PSMB3: variants seen among roughly 807,000 people sequenced by gnomAD.
PSMB3 encodes proteasome subunit beta type-3.
In PSMB3, 5 loss-of-function variants were observed where a neutral mutation model predicts 23.3. The ratio of observed to expected loss-of-function variants is 0.21; its 90% CI spans 0.11 to 0.45. The LOEUF (loss-of-function observed/expected upper bound fraction) is 0.45, where lower values mean the gene tolerates loss of function less well. Among genes scored for constraint, PSMB3 ranks in the 20% least tolerant of loss-of-function variants. The pLI is 0.99. For missense variants in PSMB3, 192 were observed against 277.9 expected, an observed-to-expected ratio of 0.69 and a Z score of 2.20; for synonymous variants, 85 against 99.8, an observed-to-expected ratio of 0.85 and a Z score of 0.88.
chr17:38,756,333 G>A (rs1908192674), intron 3 of PSMB3, among the ~76,000 whole-genome samples: 1 of 152,048 alleles, frequency 6.6e-6, no homozygotes. Context: ...GCCTAGGAAT[G>A]GGGTGTTCAT....
At chr17:38,760,989 G>A (rs906154742) in intron 4 of PSMB3, among the ~76,000 whole-genome samples, 1 of 152,164 alleles carries the variant, frequency 6.6e-6, no homozygotes, top group Non-Finnish European at 1.5e-5. Flanking sequence ...TCTTGGAGAA[G>A]CCAGTTTCCC....
intron 5 of PSMB3, among the ~76,000 whole-genome samples, chr17:38,763,086 T>C (rs941580537): frequency 1.1e-4 from 16 of 152,156 alleles, no homozygotes; most frequent in Admixed American, 3.9e-4. Flanking sequence ...GCCAGGCGCG[T>C]TGGCTCACGC....
chr17:38,755,933 G>T lies in PSMB3; in HGVS notation c.239G>T (p.Arg80Leu). ...RLNLYELKEG[R>L]QIKPYTLMSM... ...AACCTGTATGAGTTGAAGGAAGGTC[G>T]GCAGATCAAACCTTATACCCTCATG... The change falls in exon 3 of 6, where the codon CGG becomes CTG. Residue 80 changes from arginine (R) to leucine (L), a missense_variant. Coordinates refer to ENST00000619426, the MANE Select transcript of PSMB3 (RefSeq NM_002795.4). 6.2e-7 allele frequency: 1 copy of T among 1,614,034 alleles called. No individual in the cohort carries two copies.
chr17:38,756,384 G>A (rs1908195595), intron 3 of PSMB3, among the ~76,000 whole-genome samples: 1 of 152,198 alleles, frequency 6.6e-6, no homozygotes. Context: ...TGAGAAACAA[G>A]GGGCCTAACT....
chr17:38,757,586 G>T (rs1359599647), intron 3 of PSMB3, among the ~76,000 whole-genome samples: 1 of 151,154 alleles, frequency 6.6e-6, no homozygotes, highest in South Asian at 2.1e-4. Flanking sequence ...GGAGGCCAAG[G>T]TGGGCGGATC....
intron 1 of PSMB3, 75 bp from the exon 2 acceptor site, chr17:38,753,075 C>T (rs1908004015): frequency 6.9e-7 from 1 of 1,453,320 alleles, no homozygotes; most frequent in Admixed American, 2.3e-5. Context: ...CAGGAGCCTC[C>T]GCATCAGGAG....
At chr17:38,763,549 T>G (rs1318543235) in intron 5 of PSMB3, among the ~76,000 whole-genome samples, 2 of 131,030 alleles carry the variant, frequency 1.5e-5, no homozygotes, top group South Asian at 2.8e-4. Flanking sequence ...TCGCCCAGGC[T>G]GGAGTGCAAT....
chr17:38,758,414 A>C (rs1908301680), intron 3 of PSMB3, among the ~76,000 whole-genome samples: 1 of 151,878 alleles, frequency 6.6e-6, no homozygotes, highest in Non-Finnish European at 1.5e-5. Flanking sequence ...ATCATGGCTC[A>C]CTGCAACCTT....
intron 3 of PSMB3, 99 bp downstream of exon 3, chr17:38,756,089 C>G (rs887676648): frequency 1.0e-6 from 1 of 991,282 alleles, no homozygotes; most frequent in Non-Finnish European, 1.6e-6. Context: ...TTTTCCATCT[C>G]TTATTTGCAG....
In PSMB3 at chr17:38,755,715, T is replaced by TGTGTGC. The variant is rs142685157; in HGVS notation, c.189-167_189-166insTGTGCG. ...GTGTGTGTGTGTGTGTGTGTGTGTG[T>TGTGTGC]GCTGCCAAAGCAAGCACCAGTTGCT... On this transcript the variant is annotated intron_variant, in intron 2 of 5. Transcript: ENST00000619426. Among the ~76,000 whole-genome samples, 351 of 138,408 alleles carry TGTGTGC rather than the reference T, an allele frequency of 2.5e-3. 3 individuals are homozygous for TGTGTGC. Among genetic ancestry groups the TGTGTGC allele is most frequent in the African/African-American group, 9.2e-3 (328 of 35,498 alleles). The allele number at this position is 138,408 out of a possible 152,430, so 90.8% of individuals were successfully genotyped here.
chr17:38,753,130 C>G lies in PSMB3; in HGVS notation c.4-20C>G. The G allele has an allele frequency of 6.2e-7, 1 of 1,601,508 alleles. No homozygotes were observed. Among genetic ancestry groups the G allele is most frequent in the African/African-American group, 1.3e-5 (1 of 74,780 alleles). On this transcript the variant is annotated intron_variant, in intron 1 of 5. Transcript: ENST00000619426. ...AGCGTTTGACCCCCCGCGCTGACCC[C>G]TCCGCTCTGTCTGTCCTAGTCTATT...
In PSMB3 at chr17:38,752,929, G is replaced by T; in HGVS notation, c.3+100G>T. 6.5e-7 allele frequency: 1 copy of T among 1,536,242 alleles called. No individual in the cohort carries two copies. Among genetic ancestry groups the T allele is most frequent in the African/African-American group, 1.4e-5 (1 of 72,972 alleles). ...CGAAAAGGGCCTAGGGTCGATGGAA[G>T]GAAGCGGTTTCAGTTCGAGGGGAGC... is the stretch of plus-strand genomic sequence containing the variant. On this transcript the variant is annotated intron_variant, in intron 1 of 5. Coordinates refer to ENST00000619426, the MANE Select transcript of PSMB3 (RefSeq NM_002795.4). This position sits in a 1 kb window ranked among gnomAD's most constrained non-coding sequence, Gnocchi z 5.5.
At chr17:38,755,176 A>G (rs79387206) in intron 2 of PSMB3, 5,865 of 152,146 alleles carry the variant, frequency 0.039, 152 homozygotes, top group African/African-American at 0.07. Context: ...AGGTTTCGCT[A>G]TGTTGCCCAC....
intron 2 of PSMB3, among the ~76,000 whole-genome samples, chr17:38,753,878 A>G (rs568683792): frequency 4.8e-4 from 73 of 152,320 alleles, no homozygotes; most frequent in African/African-American, 1.6e-3. Context: ...AGGGTTGGGG[A>G]AGCATTGGCA....
chr17:38,760,264 C>A, intron 3 of PSMB3, 167 bp from the exon 4 acceptor site: 1 of 620,148 alleles, frequency 1.6e-6, no homozygotes. Flanking sequence ...TTCTAGCTGG[C>A]AGGAGAAGGG....
At position 38,756,589 on chromosome 17, in the gene PSMB3, A is replaced by T. The variant is rs1908206409; in HGVS notation, c.296+599A>T. On this transcript the variant is annotated intron_variant, in intron 3 of 5. Transcript: ENST00000619426. ...CGGCTCACTGCAACCTCCACCTCCCAGGTTCAATCGATTCTTCTGCCTCAG... is the reference window on the plus strand; with the variant it reads ...CGGCTCACTGCAACCTCCACCTCCCTGGTTCAATCGATTCTTCTGCCTCAG... Among the ~76,000 whole-genome samples, 3 of 151,606 alleles carry T rather than the reference A, an allele frequency of 2.0e-5. No homozygotes were observed. In the South Asian group the frequency reaches 6.2e-4, roughly 32 times the overall value.
chr17:38,757,555 G>A (rs559095142), intron 3 of PSMB3, among the ~76,000 whole-genome samples: 2 of 151,662 alleles, frequency 1.3e-5, no homozygotes, highest in African/African-American at 2.4e-5. Context: ...GGTGGCTCAT[G>A]CCTGTAATCC....
chr17:38,760,412 C>T lies in PSMB3; in HGVS notation c.297-19C>T. 1.9e-6 allele frequency: 3 copies of T among 1,611,690 alleles called. No homozygotes were observed. The highest frequency in any genetic ancestry group is 2.5e-6 in the Non-Finnish European group (3 of 1,178,820). ...CGTTCTTGAGTTCTGGTTTCTCTCT[C>T]TGATGCTGGCCCCCACAGGTTTGGC... On this transcript the variant is annotated intron_variant, in intron 3 of 5. Coordinates refer to ENST00000619426, the MANE Select transcript of PSMB3 (RefSeq NM_002795.4).
rs1441602428 is a variant in PSMB3, at chr17:38,762,306, TG to T, written c.475-101del. The T allele has an allele frequency of 4.2e-6, 4 of 943,974 alleles. No individual in the cohort carries two copies. The African/African-American group carries it at 6.5e-5, about 15-fold the overall frequency. The allele number at this position is 943,974 out of a possible 1,614,324, so 58.5% of individuals were successfully genotyped here. A position where few individuals can be genotyped will look rare whatever the true frequency, so the allele number is the denominator to read the frequency against. ...ATCATCCCTTACTTCAGGCATGTCT[TG>T]GGGCCAGAGCTGGGAATCTTGAGCC... On this transcript the variant is annotated intron_variant, in intron 4 of 5. Coordinates refer to ENST00000619426, the MANE Select transcript of PSMB3 (RefSeq NM_002795.4).
Sources: allele counts gnomAD v4.1 joint callset (sites outside exome capture counted in the v4.1 genomes callset), GRCh38; gene constraint gnomAD v4.1.1; non-coding constraint Gnocchi (gnomAD v3.1); transcripts MANE v1.5; gene names NCBI Gene and HGNC (gene_info 2026-07-23, HGNC 2026-07-21).